DENND1A: variants seen among roughly 807,000 people sequenced by gnomAD.
DENND1A encodes the protein DENN domain containing 1A, also known as DENN domain-containing protein 1A.
A neutral mutation model predicts 113.7 loss-of-function variants in DENND1A; 51 were observed. That is an observed-to-expected ratio of 0.45 (90% CI 0.36 to 0.57). The LOEUF is 0.57. Among genes scored for constraint, DENND1A ranks in the 20% least tolerant of loss-of-function variants. The pLI is 0.00. For synonymous variants in DENND1A, 565 were observed against 570.8 expected, an observed-to-expected ratio of 0.99 and a Z score of 0.14; for missense variants, 1,258 against 1,395.9, an observed-to-expected ratio of 0.90 and a Z score of 1.57.
intron 5 of DENND1A, among the ~76,000 whole-genome samples, chr9:123,709,264 G>C (rs541580823): frequency 8.5e-5 from 13 of 152,174 alleles, no homozygotes; most frequent in South Asian, 8.3e-4. Context: ...TCCTACTCCC[G>C]ACCCAGGCCC....
chr9:123,452,529 C>G (rs1218274129), intron 16 of DENND1A, among the ~76,000 whole-genome samples, 182 bp from the exon 17 acceptor site: 1 of 151,860 alleles, frequency 6.6e-6, no homozygotes, highest in Non-Finnish European at 1.5e-5. Flanking sequence ...GAAGGACTCT[C>G]GGTGGGAGCT....
intron 1 of DENND1A, among the ~76,000 whole-genome samples, chr9:123,912,165 C>T (rs773924136): frequency 1.3e-5 from 2 of 151,946 alleles, no homozygotes; most frequent in African/African-American, 2.4e-5. Flanking sequence ...AATGATATAA[C>T]AGCAAAAAAT....
intron 19 of DENND1A, among the ~76,000 whole-genome samples, chr9:123,430,587 C>G (rs934794516): frequency 1.1e-4 from 16 of 152,182 alleles, no homozygotes; most frequent in African/African-American, 3.9e-4. Context: ...AAACCAAACA[C>G]CGCACATTCT....
At chr9:123,874,957 C>CT (rs1439289049) in intron 2 of DENND1A, among the ~76,000 whole-genome samples, 2 of 152,150 alleles carry the variant, frequency 1.3e-5, no homozygotes, top group Admixed American at 6.5e-5. Flanking sequence ...AGTAGCATGG[C>CT]TTATAGTAGC....
chr9:123,912,659 G>A (rs1481420174), intron 1 of DENND1A, among the ~76,000 whole-genome samples: 1 of 152,048 alleles, frequency 6.6e-6, no homozygotes, highest in Non-Finnish European at 1.5e-5. Context: ...GAGGGAGCTG[G>A]GGATTGCATC....
intron 2 of DENND1A, among the ~76,000 whole-genome samples, chr9:123,826,860 T>C (rs1839406998): frequency 6.6e-6 from 1 of 152,230 alleles, no homozygotes; most frequent in Non-Finnish European, 1.5e-5. Flanking sequence ...AAACTGATGA[T>C]GGTACAAAGC....
At chr9:123,534,370 GT>G (rs1474103938) in intron 13 of DENND1A, among the ~76,000 whole-genome samples, 2 of 152,110 alleles carry the variant, frequency 1.3e-5, no homozygotes, top group Admixed American at 6.5e-5. Flanking sequence ...CATTCATGTT[GT>G]TGTTTATAGC....
At chr9:123,862,182 G>A (rs1845152545) in intron 2 of DENND1A, among the ~76,000 whole-genome samples, 1 of 152,090 alleles carries the variant, frequency 6.6e-6, no homozygotes, top group Non-Finnish European at 1.5e-5. Context: ...CACCCATAAA[G>A]TATATTATAT....
intron 1 of DENND1A, among the ~76,000 whole-genome samples, chr9:123,893,333 T>C (rs1428036570): frequency 6.6e-6 from 1 of 152,158 alleles, no homozygotes; most frequent in Non-Finnish European, 1.5e-5. Flanking sequence ...CACTGCATAG[T>C]TTAAAAAAGA....
rs1344449636 is a variant in DENND1A, at chr9:123,586,359, C to CTGGAA, written c.766-3094_766-3090dup. On this transcript the variant is annotated intron_variant, in intron 11 of 23. Coordinates refer to ENST00000394215, the MANE Select transcript of DENND1A (RefSeq NM_001352964.2). ...CCCTTGTAGGCTCTCCACGGCTGGG[C>CTGGAA]TGGAATAGGCTTTTGATTTCTTCCC... Among the ~76,000 whole-genome samples the CTGGAA allele has an allele frequency of 1.2e-4, 19 of 152,288 alleles. No individual in the cohort carries two copies. The East Asian group carries it at 3.5e-3, about 28-fold the overall frequency.
chr9:123,849,551 G>C (rs1475489034), intron 2 of DENND1A, among the ~76,000 whole-genome samples: 1 of 152,206 alleles, frequency 6.6e-6, no homozygotes, highest in African/African-American at 2.4e-5. Flanking sequence ...CAACAGCTCT[G>C]ATGGAGATAT....
At chr9:123,419,101 C>T (rs550383062) in intron 19 of DENND1A, among the ~76,000 whole-genome samples, 110 of 152,316 alleles carry the variant, frequency 7.2e-4, no homozygotes, top group African/African-American at 2.1e-3. Flanking sequence ...AACCGAGGAG[C>T]GGTATAGGTG....
At chr9:123,437,134 T>A (rs746127849) in intron 19 of DENND1A, among the ~76,000 whole-genome samples, 15 of 152,186 alleles carry the variant, frequency 9.9e-5, no homozygotes, top group Non-Finnish European at 2.1e-4. Context: ...TCCCTCTGAT[T>A]GGGCCTGTCC....
At chr9:123,465,019 A>AAG (rs2133177633) in intron 13 of DENND1A, among the ~76,000 whole-genome samples, 1 of 143,038 alleles carries the variant, frequency 7.0e-6, no homozygotes, top group African/African-American at 2.5e-5. Flanking sequence ...AAAAAAAAAA[A>AAG]TTAGCCAGGC....
chr9:123,556,905 T>G (rs939878895), intron 13 of DENND1A, among the ~76,000 whole-genome samples: 4 of 152,182 alleles, frequency 2.6e-5, no homozygotes, highest in African/African-American at 9.7e-5. Context: ...CCTGCTGTCT[T>G]CACATCCTTG....
At chr9:123,435,892 C>A (rs1483201781) in intron 19 of DENND1A, among the ~76,000 whole-genome samples, 1 of 152,238 alleles carries the variant, frequency 6.6e-6, no homozygotes, top group Non-Finnish European at 1.5e-5. Flanking sequence ...AAAATGATTT[C>A]TTCCTCACCC....
At chr9:123,740,973 T>C (rs1261819982) in intron 5 of DENND1A, among the ~76,000 whole-genome samples, 1 of 145,462 alleles carries the variant, frequency 6.9e-6, no homozygotes, top group African/African-American at 2.6e-5. Flanking sequence ...GACTAGGAAA[T>C]AGTTATTTCA....
At chr9:123,628,774 G>C (rs1478267642) in intron 10 of DENND1A, among the ~76,000 whole-genome samples, 1 of 152,082 alleles carries the variant, frequency 6.6e-6, no homozygotes, top group Non-Finnish European at 1.5e-5. Context: ...AAAATGTGGG[G>C]TTCAGCCATT....
At chr9:123,704,558 T>C (rs767242800) in intron 5 of DENND1A, among the ~76,000 whole-genome samples, 5 of 152,170 alleles carry the variant, frequency 3.3e-5, no homozygotes, top group Non-Finnish European at 7.3e-5. Flanking sequence ...TCCTAGGTAA[T>C]AGCCAGAAGC....
Sources: allele counts gnomAD v4.1 joint callset (sites outside exome capture counted in the v4.1 genomes callset), GRCh38; gene constraint gnomAD v4.1.1; transcripts MANE v1.5; gene names NCBI Gene and HGNC (gene_info 2026-07-23, HGNC 2026-07-21).